Variants in BRINP2 observed in about 807,000 individuals in gnomAD.
BRINP2 encodes the protein BMP/retinoic acid-inducible neural-specific protein 2.
In BRINP2, 21 loss-of-function variants were observed where a neutral mutation model predicts 69.2. That is an observed-to-expected ratio of 0.30 (90% confidence interval 0.22 to 0.44). BRINP2 has a LOEUF of 0.44. Ranked by LOEUF, BRINP2 falls within the 20% of genes least tolerant of loss-of-function variation. The pLI is 1.00. For missense variants in BRINP2, 877 were observed against 986.0 expected, an observed-to-expected ratio of 0.89 and a Z score of 1.48; for synonymous variants, 380 against 394.1, an observed-to-expected ratio of 0.96 and a Z score of 0.42.
At chr1:177,183,676 T>C (rs1017442404) in intron 1 of BRINP2, among the ~76,000 whole-genome samples, 1 of 152,158 alleles carries the variant, frequency 6.6e-6, no homozygotes, top group Non-Finnish European at 1.5e-5. Flanking sequence ...AAGTAAACAG[T>C]TTATGAAGAT....
At chr1:177,208,819 C>CA (rs1316103479) in intron 1 of BRINP2, among the ~76,000 whole-genome samples, 1 of 152,192 alleles carries the variant, frequency 6.6e-6, no homozygotes, top group Non-Finnish European at 1.5e-5. Flanking sequence ...TGGAGTTTAT[C>CA]AAAACGCATT....
chr1:177,267,507 CACT>C (rs1242662263), intron 4 of BRINP2, among the ~76,000 whole-genome samples: 1 of 152,218 alleles, frequency 6.6e-6, no homozygotes, highest in Non-Finnish European at 1.5e-5. Flanking sequence ...TGGCAGAGAT[CACT>C]ACTTTGTTCA....
intron 2 of BRINP2, among the ~76,000 whole-genome samples, chr1:177,251,386 CA>C (rs1319133606): frequency 1.3e-5 from 2 of 152,084 alleles, no homozygotes; most frequent in African/African-American, 2.4e-5. Flanking sequence ...CTAAACACCA[CA>C]AAAAAATTAG....
rs568637621 is a variant in BRINP2, at chr1:177,228,728, T to C, written c.-76-1073T>C. Among the ~76,000 whole-genome samples the C allele has an allele frequency of 2.0e-5, 3 of 152,236 alleles. No homozygotes were observed. The South Asian group carries it at 6.2e-4, about 32-fold the overall frequency. On this transcript the variant is annotated intron_variant, in intron 1 of 7. Coordinates refer to ENST00000361539, the MANE Select transcript of BRINP2 (RefSeq NM_021165.4). ...TGCTAGGAATTAAAGATTGAGGAAA[T>C]GATCACAATTCCAAGAAGCCCCACA...
intron 4 of BRINP2, among the ~76,000 whole-genome samples, chr1:177,269,780 C>A (rs1651246630): frequency 6.6e-6 from 1 of 152,096 alleles, no homozygotes; most frequent in African/African-American, 2.4e-5. Flanking sequence ...TGAGGGTTTG[C>A]ATGATCTGGT....
chr1:177,183,501 T>C (rs1648327631), intron 1 of BRINP2, among the ~76,000 whole-genome samples: 1 of 152,032 alleles, frequency 6.6e-6, no homozygotes, highest in Non-Finnish European at 1.5e-5. Flanking sequence ...CTGCCCCACG[T>C]AGGAGAGGAG....
intron 1 of BRINP2, among the ~76,000 whole-genome samples, chr1:177,175,297 G>C (rs948998686): frequency 4.6e-5 from 7 of 151,974 alleles, no homozygotes; most frequent in Non-Finnish European, 1.0e-4. Flanking sequence ...GGGTGGGGGG[G>C]GCAGGATGCG....
At chr1:177,248,885 C>T (rs186164922) in intron 2 of BRINP2, among the ~76,000 whole-genome samples, 11 of 152,294 alleles carry the variant, frequency 7.2e-5, no homozygotes, top group East Asian at 5.8e-4. Flanking sequence ...GACCCTTTTG[C>T]TTCAAACCCA....
chr1:177,194,393 T>C (rs546706576), intron 1 of BRINP2, among the ~76,000 whole-genome samples: 2 of 152,328 alleles, frequency 1.3e-5, no homozygotes, highest in South Asian at 4.1e-4. Context: ...ATAATGGAGT[T>C]CTTTCTGCCA....
At chr1:177,255,402 G>A (rs562590365) in intron 2 of BRINP2, among the ~76,000 whole-genome samples, 2 of 152,170 alleles carry the variant, frequency 1.3e-5, no homozygotes, top group African/African-American at 4.8e-5. Context: ...ATAGCTCTAA[G>A]CCACATGTAC....
At chr1:177,278,487 TG>T in intron 6 of BRINP2, 75 bp from the exon 7 acceptor site, 1 of 1,363,428 alleles carries the variant, frequency 7.3e-7, no homozygotes, top group Non-Finnish European at 1.0e-6. Flanking sequence ...GCCCTGGATC[TG>T]GGCAGCGTCC....
chr1:177,172,609 C>T (rs902959231), intron 1 of BRINP2, among the ~76,000 whole-genome samples: 5 of 152,116 alleles, frequency 3.3e-5, no homozygotes, highest in African/African-American at 1.2e-4. Flanking sequence ...CCAGAGGACT[C>T]TTCTCCTCAC....
chr1:177,277,591 C>T (rs1381758775), intron 6 of BRINP2, among the ~76,000 whole-genome samples: 1 of 151,204 alleles, frequency 6.6e-6, no homozygotes, highest in East Asian at 1.9e-4. Context: ...GATGAGGAAC[C>T]AGGTACATGA....
intron 2 of BRINP2, among the ~76,000 whole-genome samples, chr1:177,244,499 A>G (rs1650312030): frequency 6.6e-6 from 1 of 152,176 alleles, no homozygotes; most frequent in Non-Finnish European, 1.5e-5. Context: ...GCGTGTTGGC[A>G]TGTGCCTGTC....
intron 1 of BRINP2, among the ~76,000 whole-genome samples, chr1:177,222,675 G>A (rs1422479179): frequency 1.3e-5 from 2 of 150,804 alleles, no homozygotes; most frequent in African/African-American, 4.9e-5. Flanking sequence ...ATCCTATGGA[G>A]TAGCACTATT....
At chr1:177,258,859 G>C (rs983336629) in intron 4 of BRINP2, among the ~76,000 whole-genome samples, 1 of 152,124 alleles carries the variant, frequency 6.6e-6, no homozygotes, top group Non-Finnish European at 1.5e-5. Flanking sequence ...TCCACCAACT[G>C]GCTGTTCCCC....
At chr1:177,191,687 C>T (rs1196569888) in intron 1 of BRINP2, among the ~76,000 whole-genome samples, 1 of 152,160 alleles carries the variant, frequency 6.6e-6, no homozygotes. Flanking sequence ...AACTCCTGAC[C>T]TTGTGATCCA....
intron 1 of BRINP2, among the ~76,000 whole-genome samples, chr1:177,176,387 C>T (rs1648086572): frequency 6.6e-6 from 1 of 151,988 alleles, no homozygotes; most frequent in African/African-American, 2.4e-5. Flanking sequence ...ATCTTCATTA[C>T]ATGTTAAAAA....
intron 2 of BRINP2, among the ~76,000 whole-genome samples, chr1:177,253,569 T>C (rs546831825): frequency 6.6e-6 from 1 of 152,286 alleles, no homozygotes; most frequent in East Asian, 1.9e-4. Context: ...TTTTTGCTTT[T>C]GTTGCCTGTG....
Sources: allele counts gnomAD v4.1 joint callset (sites outside exome capture counted in the v4.1 genomes callset), GRCh38; gene constraint gnomAD v4.1.1; transcripts MANE v1.5; gene names NCBI Gene and HGNC (gene_info 2026-07-23, HGNC 2026-07-21).